The following CERS4 variants were observed in gnomAD, a reference collection of about 807,000 sequenced individuals.
CERS4 encodes the protein LAG1 homolog, ceramide synthase 4.
CERS4 carries 65 observed loss-of-function variants against 51.8 expected under a neutral mutation model. The ratio of observed to expected loss-of-function variants is 1.26; its 90% confidence interval spans 1.03 to 1.54. The LOEUF is 1.54. Ranked by LOEUF, CERS4 falls within the 40% of genes most tolerant of loss-of-function variation. CERS4 has a pLI of 0.00. For synonymous variants in CERS4, 228 were observed against 208.4 expected (o/e 1.09, Z -0.81); for missense variants, 563 against 500.4 (o/e 1.13, Z -1.19).
intron 2 of CERS4, among the ~76,000 whole-genome samples, chr19:8,232,366 C>G (rs1160828069): frequency 1.3e-5 from 2 of 152,004 alleles, no homozygotes; most frequent in African/African-American, 4.8e-5. Context: ...TCTCGGCTCG[C>G]TGCAACCTCT....
chr19:8,235,098 T>C (rs1470828195), intron 2 of CERS4, among the ~76,000 whole-genome samples: 1 of 148,124 alleles, frequency 6.8e-6, no homozygotes, highest in Non-Finnish European at 1.5e-5. Context: ...AACCTCTGCC[T>C]CCTGGGTTCA....
chr19:8,221,786 A>G (rs552880075), intron 2 of CERS4, among the ~76,000 whole-genome samples: 2 of 151,526 alleles, frequency 1.3e-5, no homozygotes, highest in South Asian at 4.2e-4. Context: ...TCAGCCTACC[A>G]AAGTGCTGGG....
At chr19:8,214,797 T>A (rs1270005319) in intron 2 of CERS4, among the ~76,000 whole-genome samples, 1 of 151,536 alleles carries the variant, frequency 6.6e-6, no homozygotes, top group Non-Finnish European at 1.5e-5. Flanking sequence ...CTTCTCCTCC[T>A]CCCCTCCACA....
At chr19:8,245,129 A>AAAAAAAAAAAAAAAAAAAAAAC (rs1327716311) in intron 2 of CERS4, among the ~76,000 whole-genome samples, 2 of 148,658 alleles carry the variant, frequency 1.3e-5, no homozygotes, top group African/African-American at 5.0e-5. Flanking sequence ...AAAAAAAAAA[A>AAAAAAAAAAAAAAAAAAAAAAC]AAAAAACACT....
chr19:8,244,099 T>G (rs62126446), intron 2 of CERS4, among the ~76,000 whole-genome samples: 4,823 of 152,308 alleles, frequency 0.032, 104 homozygotes, highest in South Asian at 0.056. Flanking sequence ...ACTGTCAGAA[T>G]GACAAGGTGG....
intron 2 of CERS4, among the ~76,000 whole-genome samples, chr19:8,236,653 T>G (rs1164878590): frequency 7.3e-6 from 1 of 136,996 alleles, no homozygotes; most frequent in Non-Finnish European, 1.5e-5. Context: ...CACTCTAGCC[T>G]GAGCAACAGA....
At chr19:8,214,938 C>T (rs1296508269) in intron 2 of CERS4, among the ~76,000 whole-genome samples, 11 of 96,610 alleles carry the variant, frequency 1.1e-4, no homozygotes, top group African/African-American at 2.9e-4. Context: ...GGGAGGAAGA[C>T]GAGGGGGAGG....
intron 2 of CERS4, among the ~76,000 whole-genome samples, chr19:8,243,457 G>A (rs1968624558): frequency 1.3e-5 from 2 of 152,100 alleles, no homozygotes; most frequent in Non-Finnish European, 2.9e-5. Flanking sequence ...TGGGATGCCT[G>A]GGCCTCGTTG....
intron 2 of CERS4, among the ~76,000 whole-genome samples, chr19:8,244,691 A>C (rs1192702965): frequency 6.6e-6 from 1 of 152,136 alleles, no homozygotes; most frequent in Admixed American, 6.5e-5. Context: ...TGCATTATTC[A>C]AAATAGAACC....
In CERS4 at chr19:8,255,982, T is replaced by C. The variant is rs139156900; in HGVS notation, c.468+103T>C. ...AGTGGTGCAGCCAGAGAGGAAAACATGCAGCTGAGGAGAGAGCGAGCTTTG... is the reference window on the plus strand; with the variant it reads ...AGTGGTGCAGCCAGAGAGGAAAACACGCAGCTGAGGAGAGAGCGAGCTTTG... On this transcript the variant is annotated intron_variant, in intron 6 of 11. Transcript: ENST00000251363. 150 of 1,305,130 alleles carry C rather than the reference T, an allele frequency of 1.1e-4. No individual in the cohort carries two copies. The African/African-American group carries it at 2.0e-3, about 17-fold the overall frequency. 80.8% of individuals were successfully genotyped at this position (1,305,130 alleles called of 1,614,324 possible).
rs371250816 is a variant in CERS4, at chr19:8,255,909, C to T, written c.468+30C>T. On this transcript the variant is annotated intron_variant, in intron 6 of 11. Coordinates refer to ENST00000251363, the MANE Select transcript of CERS4 (RefSeq NM_024552.3). ...GTATACCAGAGTATAGCTGACTGCT[C>T]ACCTGCCCCATCCACCTGGCCTAGA... 81 of 1,610,408 alleles carry T rather than the reference C, an allele frequency of 5.0e-5. 1 individual carries two copies. Among genetic ancestry groups the T allele is most frequent in the Non-Finnish European group, 6.8e-5 (80 of 1,177,666 alleles).
At chr19:8,245,128 A>AC (rs1968719525) in intron 2 of CERS4, among the ~76,000 whole-genome samples, 6 of 18,876 alleles carry the variant, frequency 3.2e-4, no homozygotes, top group African/African-American at 4.9e-4. Context: ...AAAAAAAAAA[A>AC]AAAAAAACAC....
chr19:8,254,549 G>T lies in CERS4; in HGVS notation c.224G>T (p.Arg75Met), dbSNP rs750554648. Reference protein sequence around the residue: ...SRWLGVRDQTRRQVKPNATLE... With the variant: ...SRWLGVRDQTMRQVKPNATLE... ...TGGCTGGGTGTGAGGGATCAGACCA[G>T]GAGGCAAGTGAAGCCCAACGCCACG... is the stretch of plus-strand genomic sequence containing the variant. The change falls in exon 4 of 12, where the codon AGG becomes ATG. Residue 75 changes from arginine (R) to methionine (M), a missense_variant. Arg to Met is a moderately conservative substitution (Grantham distance 91). Transcript: ENST00000251363. The T allele has an allele frequency of 6.2e-7, 1 of 1,613,796 alleles. No homozygotes were observed. The highest frequency in any genetic ancestry group is 2.2e-5 in the East Asian group (1 of 44,878).
At chr19:8,241,324 GT>G (rs910866702) in intron 2 of CERS4, 2 of 152,334 alleles carry the variant, frequency 1.3e-5, no homozygotes, top group Admixed American at 6.6e-5. Context: ...TTTTTGGGGG[GT>G]TTTTTTCCGA....
Position 8,257,069 on chromosome 19 carries a change from C to G in CERS4, c.733C>G (p.Leu245Val), listed in dbSNP as rs752274694. ...GCTGTTACACGATTCCTCTGACTAC[C>G]TGCTGGAGGTGGGCCCGACCCCTGC... is the stretch of plus-strand genomic sequence containing the variant. ...VLLLHDSSDYLLEACKMVNYM... is the reference protein window; with the variant it reads ...VLLLHDSSDYVLEACKMVNYM... Residue 245 changes from leucine to valine, a missense_variant, in exon 9 of 12, where the codon CTG (leucine) becomes GTG (valine). Physicochemically the swap from Leu to Val is conservative, Grantham distance 32. Transcript: ENST00000251363. The G allele has an allele frequency of 6.2e-7, 1 of 1,600,666 alleles. No individual in the cohort carries two copies. The highest frequency in any genetic ancestry group is 1.1e-5 in the South Asian group (1 of 89,174).
intron 3 of CERS4, among the ~76,000 whole-genome samples, chr19:8,252,096 T>C (rs183113588): frequency 0.023 from 3,411 of 150,294 alleles, 71 homozygotes; most frequent in Non-Finnish European, 0.032. Context: ...TTAGGCTGGG[T>C]GCAGTGGCTC....
intron 2 of CERS4, among the ~76,000 whole-genome samples, chr19:8,233,705 A>T (rs920957488): frequency 6.6e-6 from 1 of 152,046 alleles, no homozygotes; most frequent in Non-Finnish European, 1.5e-5. Flanking sequence ...AGTAATTTTT[A>T]AAATTAAAAA....
At chr19:8,217,807 G>C (rs533399393) in intron 2 of CERS4, among the ~76,000 whole-genome samples, 1 of 152,156 alleles carries the variant, frequency 6.6e-6, no homozygotes, top group South Asian at 2.1e-4. Flanking sequence ...AAAGTGTTGG[G>C]ATTACAGGCG....
chr19:8,238,041 C>G (rs1035893088), intron 2 of CERS4, among the ~76,000 whole-genome samples: 1 of 152,012 alleles, frequency 6.6e-6, no homozygotes, highest in Non-Finnish European at 1.5e-5. Flanking sequence ...TGGTAATCCC[C>G]CCCCACAATC....
Sources: gnomAD v4.1 joint callset for allele counts (sites outside exome capture counted in the v4.1 genomes callset) on GRCh38, gnomAD v4.1.1 for gene constraint, MANE v1.5 for transcripts, NCBI Gene and HGNC (gene_info 2026-07-23, HGNC 2026-07-21) for gene names.